CFAP58: variants seen among roughly 807,000 people sequenced by gnomAD.
The protein encoded by CFAP58 is cilia and flagella associated protein 58.
CFAP58 carries 88 observed loss-of-function variants against 119.5 expected under a neutral mutation model. The observed-to-expected ratio is 0.74, with a 90% confidence interval of 0.62 to 0.88. The LOEUF is 0.88. Among genes scored for constraint, CFAP58 ranks in the 40% least tolerant of loss-of-function variants. The probability of loss-of-function intolerance (pLI) is 0.00; values close to 1 mark genes in which losing one functional copy is unlikely to be tolerated. For missense variants in CFAP58, 990 were observed against 1,021.2 expected, an observed-to-expected ratio of 0.97 and a Z score of 0.42; for synonymous variants, 365 against 366.3, an observed-to-expected ratio of 1.00 and a Z score of 0.04.
intron 15 of CFAP58, among the ~76,000 whole-genome samples, chr10:104,429,953 C>T (rs11192052): frequency 0.048 from 7,246 of 151,912 alleles, 411 homozygotes; most frequent in African/African-American, 0.13. Flanking sequence ...TCCTCCCACT[C>T]GGGGAGGGGT....
chr10:104,454,381 A>C, intron 17 of CFAP58, 41 bp from the exon 18 acceptor site: 1 of 1,475,584 alleles, frequency 6.8e-7, no homozygotes, highest in Non-Finnish European at 9.5e-7. Context: ...CTTAGACAAA[A>C]AGGATGTTAA....
At chr10:104,449,420 C>T (rs542422468) in intron 16 of CFAP58, among the ~76,000 whole-genome samples, 6 of 152,268 alleles carry the variant, frequency 3.9e-5, no homozygotes, top group South Asian at 2.1e-4. Flanking sequence ...CTTTGGCATG[C>T]GCTATGTCCT....
At chr10:104,400,584 G>A in intron 12 of CFAP58, 96 bp from the exon 13 acceptor site, 3 of 993,408 alleles carry the variant, frequency 3.0e-6, no homozygotes, top group East Asian at 4.8e-5. Flanking sequence ...GTACATGTGG[G>A]CGTTCAATAG....
chr10:104,423,352 T>C (rs574112749), intron 15 of CFAP58, among the ~76,000 whole-genome samples: 2 of 152,328 alleles, frequency 1.3e-5, no homozygotes, highest in South Asian at 4.1e-4. Context: ...TTTAAAAATG[T>C]AACATTTACT....
intron 2 of CFAP58, among the ~76,000 whole-genome samples, chr10:104,358,844 T>G (rs2014630940): frequency 6.6e-6 from 1 of 152,224 alleles, no homozygotes; most frequent in Non-Finnish European, 1.5e-5. Flanking sequence ...CTTGTTTGGT[T>G]TCTGGGAAAT....
At chr10:104,418,093 T>C (rs1228432426) in intron 15 of CFAP58, among the ~76,000 whole-genome samples, 1 of 152,266 alleles carries the variant, frequency 6.6e-6, no homozygotes, top group Admixed American at 6.5e-5. Flanking sequence ...TAAAGTTTTA[T>C]TGGCACACAG....
At chr10:104,364,990 C>T (rs1589909687) in intron 4 of CFAP58, 101 bp downstream of exon 4, 2 of 1,227,964 alleles carry the variant, frequency 1.6e-6, no homozygotes, top group East Asian at 5.2e-5. Flanking sequence ...AATTTACCCC[C>T]TAGCGCCCAA....
chr10:104,444,156 T>A (rs112110297), intron 15 of CFAP58, among the ~76,000 whole-genome samples: 3 of 152,358 alleles, frequency 2.0e-5, no homozygotes, highest in African/African-American at 7.2e-5. Context: ...CAAAGCGATA[T>A]TGCTGTGCAT....
At chr10:104,426,827 G>A (rs573285043) in intron 15 of CFAP58, among the ~76,000 whole-genome samples, 19 of 152,180 alleles carry the variant, frequency 1.2e-4, no homozygotes, top group Middle Eastern at 6.8e-3. Context: ...ATTTTCTGGG[G>A]TTTCTAGGTA....
chr10:104,396,369 T>TGA (rs57210958), intron 11 of CFAP58, among the ~76,000 whole-genome samples: 36 of 86,870 alleles, frequency 4.1e-4, no homozygotes, highest in Non-Finnish European at 5.1e-4. Flanking sequence ...CTGTTATCCA[T>TGA]GAGAGAGAGA....
chr10:104,388,389 G>A lies in CFAP58; in HGVS notation c.1366-3844G>A, dbSNP rs570222613. On this transcript the variant is annotated intron_variant, in intron 9 of 17. Transcript: ENST00000369704. ...TCACTTAAATCCTCATAATAGCCCTGTGAGATAGATATTATTATATCCCCC... is the reference window on the plus strand; with the variant it reads ...TCACTTAAATCCTCATAATAGCCCTATGAGATAGATATTATTATATCCCCC... 3.3e-5 allele frequency among the ~76,000 whole-genome samples: 5 copies of A among 152,222 alleles called. No homozygotes were observed. The East Asian group carries it at 7.7e-4, about 24-fold the overall frequency.
chr10:104,392,252 A>G lies in CFAP58; in HGVS notation c.1385A>G (p.Asp462Gly). 1 of 1,611,848 alleles carries G rather than the reference A, an allele frequency of 6.2e-7. No individual in the cohort carries two copies. The highest frequency in any genetic ancestry group is 8.5e-7 in the Non-Finnish European group (1 of 1,179,376). The change falls in exon 10 of 18, where the codon GAC becomes GGC. Residue 462 changes from aspartate to glycine, a missense_variant. Asp to Gly is a moderately conservative substitution (Grantham distance 94). Coordinates refer to ENST00000369704, the MANE Select transcript of CFAP58 (RefSeq NM_001008723.2). ...LTQKVLMNME[D>G]IKVRETQIFD... The stretch of plus-strand genomic sequence containing the variant: ...CTCCAGGTCCTTATGAACATGGAAG[A>G]CATAAAAGTTCGTGAAACACAGATT...
At chr10:104,373,508 C>A (rs1407272066) in intron 7 of CFAP58, among the ~76,000 whole-genome samples, 4 of 151,948 alleles carry the variant, frequency 2.6e-5, no homozygotes, top group East Asian at 1.9e-4. Flanking sequence ...CATGCTCCTG[C>A]GCACCTGTAG....
upstream of CFAP58, chr10:104,353,620 A>G (rs900765937): frequency 8.7e-6 from 4 of 460,270 alleles, no homozygotes; most frequent in Non-Finnish European, 1.6e-5. Flanking sequence ...CCGCCCCCTC[A>G]CTTCCTTGGC....
At chr10:104,412,307 C>T (rs1045810318) in intron 15 of CFAP58, among the ~76,000 whole-genome samples, 1 of 152,080 alleles carries the variant, frequency 6.6e-6, no homozygotes, top group Non-Finnish European at 1.5e-5. Context: ...TTCTCATTAA[C>T]AATGTTATTA....
chr10:104,443,004 C>T (rs1000820752), intron 15 of CFAP58, among the ~76,000 whole-genome samples: 11 of 152,138 alleles, frequency 7.2e-5, no homozygotes, highest in African/African-American at 2.7e-4. Flanking sequence ...GTTTGCTGAC[C>T]TGACCGTGTA....
intron 1 of CFAP58, among the ~76,000 whole-genome samples, chr10:104,357,908 TACACAC>T (rs754200854): frequency 5.2e-5 from 6 of 114,984 alleles, no homozygotes; most frequent in African/African-American, 2.4e-4. Flanking sequence ...TGTACACATA[TACACAC>T]ATATATGTAC....
At chr10:104,384,115 CAT>C (rs745909053) in intron 9 of CFAP58, among the ~76,000 whole-genome samples, 4 of 152,116 alleles carry the variant, frequency 2.6e-5, no homozygotes, top group Admixed American at 6.5e-5. Context: ...CTGTTAAAAT[CAT>C]GTGTTTGCAA....
chr10:104,396,763 C>G (rs1299602931), intron 11 of CFAP58, among the ~76,000 whole-genome samples: 1 of 152,230 alleles, frequency 6.6e-6, no homozygotes, highest in Non-Finnish European at 1.5e-5. Context: ...GCAGAAACCT[C>G]AGGTCCCACC....
Sources: allele counts gnomAD v4.1 joint callset (sites outside exome capture counted in the v4.1 genomes callset), GRCh38; gene constraint gnomAD v4.1.1; transcripts MANE v1.5; gene names NCBI Gene and HGNC (gene_info 2026-07-23, HGNC 2026-07-21).